FRMPD1: variants seen among roughly 807,000 people sequenced by gnomAD.
FRMPD1 encodes FERM and PDZ domain containing 1.
Under a neutral mutation model 117.8 loss-of-function variants are expected in FRMPD1, and 76 were observed. The ratio of observed to expected loss-of-function variants is 0.65; its 90% confidence interval spans 0.54 to 0.78. FRMPD1 has a LOEUF of 0.78. FRMPD1 is among the 30% of genes least tolerant of loss of function. The pLI is 0.00. For missense variants in FRMPD1, 1,786 were observed against 1,964.5 expected, an observed-to-expected ratio of 0.91 and a Z score of 1.72; for synonymous variants, 783 against 770.4, an observed-to-expected ratio of 1.02 and a Z score of -0.27.
intron 15 of FRMPD1, among the ~76,000 whole-genome samples, chr9:37,742,463 C>T (rs1824468086): frequency 6.6e-6 from 1 of 152,208 alleles, no homozygotes; most frequent in Non-Finnish European, 1.5e-5. Context: ...ATTCCTCAGC[C>T]TGGGTTCTGA....
the FRMPD1 span, among the ~76,000 whole-genome samples, chr9:37,618,322 G>T: frequency 6.6e-6 from 1 of 152,300 alleles, no homozygotes; most frequent in East Asian, 1.9e-4. Flanking sequence ...AGTGCTGGCT[G>T]TTACAGGGGA....
At chr9:37,636,769 G>A in the FRMPD1 span, 4 of 1,607,230 alleles carry the variant, frequency 2.5e-6, no homozygotes, top group Admixed American at 1.7e-5. Context: ...AGGCTGCTCC[G>A]GGCCCCATCT....
chr9:37,713,956 A>C (rs1823009009), intron 5 of FRMPD1, among the ~76,000 whole-genome samples: 1 of 152,232 alleles, frequency 6.6e-6, no homozygotes, highest in Admixed American at 6.5e-5. Flanking sequence ...AACACTTCAT[A>C]AACTAGAAAG....
At chr9:37,735,138 A>G (rs903052480) in intron 12 of FRMPD1, among the ~76,000 whole-genome samples, 19 of 152,368 alleles carry the variant, frequency 1.2e-4, no homozygotes, top group African/African-American at 4.6e-4. Flanking sequence ...AGGAAGTGGT[A>G]CAGAACAACA....
intron 1 of FRMPD1, among the ~76,000 whole-genome samples, chr9:37,656,789 A>T (rs1820856231): frequency 6.6e-6 from 1 of 152,136 alleles, no homozygotes; most frequent in Admixed American, 6.5e-5. Context: ...CATTATTTTC[A>T]TTAAGTGACA....
chr9:37,606,833 G>C, the FRMPD1 span, among the ~76,000 whole-genome samples: 2 of 152,194 alleles, frequency 1.3e-5, no homozygotes. Context: ...CCAGAGAGAG[G>C]CTGGAGTAGG....
chr9:37,691,720 A>T (rs995482537), intron 1 of FRMPD1, among the ~76,000 whole-genome samples: 2 of 152,220 alleles, frequency 1.3e-5, no homozygotes, highest in African/African-American at 4.8e-5. Flanking sequence ...CCTGGCCAAC[A>T]TGGTGAAACC....
chr9:37,738,385 G>GC (rs1824231486), intron 14 of FRMPD1, among the ~76,000 whole-genome samples: 2 of 152,010 alleles, frequency 1.3e-5, no homozygotes, highest in African/African-American at 4.8e-5. Context: ...TGTCACCCAG[G>GC]CTGGAGTGCA....
rs138739585 is a variant in FRMPD1 at position 37,673,086 on chromosome 9, G to A, written c.-4-19552G>A. Among the ~76,000 whole-genome samples, 1,378 of 152,230 alleles carry A rather than the reference G, an allele frequency of 9.1e-3. 18 individuals carry two copies. Among genetic ancestry groups the A allele is most frequent in the African/African-American group, 0.031 (1,299 of 41,546 alleles). On this transcript the variant is annotated intron_variant, in intron 1 of 15. Coordinates refer to ENST00000377765, the MANE Select transcript of FRMPD1 (RefSeq NM_014907.3). Reference sequence around the variant, plus strand: ...CTTAATTCATTTCAACATTAACCCAGAAGTCCACAATCCAAAGTCTCATCT... The same window carrying A: ...CTTAATTCATTTCAACATTAACCCAAAAGTCCACAATCCAAAGTCTCATCT...
At chr9:37,635,938 G>C in the FRMPD1 span, among the ~76,000 whole-genome samples, 1 of 152,184 alleles carries the variant, frequency 6.6e-6, no homozygotes, top group African/African-American at 2.4e-5. Context: ...CCTCTGGCAC[G>C]GTGGGCCTTC....
chr9:37,635,878 G>A, the FRMPD1 span, among the ~76,000 whole-genome samples: 1 of 152,182 alleles, frequency 6.6e-6, no homozygotes, highest in Non-Finnish European at 1.5e-5. Flanking sequence ...GTGCTGCCTC[G>A]GGGAAAGGGA....
At position 37,740,347 on chromosome 9, in the gene FRMPD1, G is replaced by A. The variant is rs1033504097; in HGVS notation, c.1819G>A (p.Glu607Lys). 7.4e-6 allele frequency: 12 copies of A among 1,613,562 alleles called. No homozygotes were observed. The highest frequency in any genetic ancestry group is 5.0e-5 in the Admixed American group (3 of 60,012). ...SRGYRTSGSSESMDALEEDDL... is the reference protein window; with the variant it reads ...SRGYRTSGSSKSMDALEEDDL... Reference sequence around the variant, plus strand: ...CGGCTACAGGACCAGTGGCTCGAGTGAGTCCATGGACGCTCTGGAAGAGGA... The same window carrying A: ...CGGCTACAGGACCAGTGGCTCGAGTAAGTCCATGGACGCTCTGGAAGAGGA... The change falls in exon 15 of 16, where the codon GAG (glutamate) becomes AAG (lysine). Residue 607 changes from glutamate to lysine, a missense_variant. Glu to Lys is a moderately conservative substitution (Grantham distance 56). Coordinates refer to ENST00000377765, the MANE Select transcript of FRMPD1 (RefSeq NM_014907.3). This position sits in a 1 kb window ranked among gnomAD's most constrained non-coding sequence, Gnocchi z 4.2.
intron 7 of FRMPD1, among the ~76,000 whole-genome samples, chr9:37,728,676 G>A (rs1257101787): frequency 1.3e-5 from 2 of 152,114 alleles, no homozygotes; most frequent in Non-Finnish European, 2.9e-5. Context: ...GTGTCCCTCA[G>A]TTGTGGCTGG....
intron 1 of FRMPD1, among the ~76,000 whole-genome samples, chr9:37,653,130 C>A (rs1345392261): frequency 4.6e-5 from 7 of 152,166 alleles, no homozygotes; most frequent in African/African-American, 1.7e-4. Flanking sequence ...TCTGGAGGCT[C>A]TGAACCTGGG....
intron 5 of FRMPD1, among the ~76,000 whole-genome samples, chr9:37,717,292 A>AG (rs1459503927): frequency 1.4e-5 from 2 of 144,460 alleles, no homozygotes; most frequent in Non-Finnish European, 3.1e-5. Flanking sequence ...GATTTTGCCG[A>AG]GAAAAAAAAA....
At chr9:37,733,669 C>T in intron 11 of FRMPD1, 61 bp from the exon 12 acceptor site, 1 of 1,597,012 alleles carries the variant, frequency 6.3e-7, no homozygotes, top group Non-Finnish European at 8.6e-7. Context: ...ATTTTCAACA[C>T]TGCCTGGATT....
chr9:37,667,167 C>T (rs978126168), intron 1 of FRMPD1, among the ~76,000 whole-genome samples: 1 of 150,204 alleles, frequency 6.7e-6, no homozygotes, highest in Non-Finnish European at 1.5e-5. Context: ...CAGGCTCAAG[C>T]GATCCTGCCA....
chr9:37,718,941 C>T, intron 5 of FRMPD1, 128 bp from the exon 6 acceptor site: 1 of 640,358 alleles, frequency 1.6e-6, no homozygotes, highest in Non-Finnish European at 2.9e-6. Context: ...GGATATCATC[C>T]TTTCCTGTGG....
chr9:37,732,189 G>C, intron 9 of FRMPD1, 115 bp from the exon 10 acceptor site: 1 of 1,084,782 alleles, frequency 9.2e-7, no homozygotes, highest in South Asian at 1.4e-5. Flanking sequence ...GCCAAGAACT[G>C]TCAGAGCCAG....
Sources: allele counts gnomAD v4.1 joint callset (sites outside exome capture counted in the v4.1 genomes callset), GRCh38; gene constraint gnomAD v4.1.1; non-coding constraint Gnocchi (gnomAD v3.1); transcripts MANE v1.5; gene names NCBI Gene and HGNC (gene_info 2026-07-23, HGNC 2026-07-21).